Variants in METTL24 observed in about 807,000 individuals in gnomAD.
METTL24 encodes methyltransferase like 24.
Under a neutral mutation model 32.7 loss-of-function variants are expected in METTL24, and 29 were observed. That is an observed-to-expected ratio of 0.89 (90% CI 0.66 to 1.21). The LOEUF (loss-of-function observed/expected upper bound fraction) is 1.21, where lower values mean the gene tolerates loss of function less well. Among genes scored for constraint, METTL24 ranks in the 50% most tolerant of loss-of-function variants. The pLI, the probability that METTL24 is intolerant of heterozygous loss-of-function variation, is 0.00. For synonymous variants in METTL24, 163 were observed against 179.5 expected, an observed-to-expected ratio of 0.91 and a Z score of 0.73; for missense variants, 439 against 468.1, an observed-to-expected ratio of 0.94 and a Z score of 0.57.
intron 3 of METTL24, among the ~76,000 whole-genome samples, chr6:110,303,106 C>T (rs184681659): frequency 6.6e-6 from 1 of 152,098 alleles, no homozygotes. Context: ...AGGGACCCTG[C>T]CATGAGGGAT....
chr6:110,250,326 A>ACCTGATCT (rs1244609187), intron 4 of METTL24, among the ~76,000 whole-genome samples: 1 of 151,662 alleles, frequency 6.6e-6, no homozygotes, highest in Non-Finnish European at 1.5e-5. Context: ...CTCCTGCATC[A>ACCTGATCT]CCTGATCTCT....
At chr6:110,306,306 A>AAAAT (rs368568300) in intron 3 of METTL24, among the ~76,000 whole-genome samples, 91 of 151,864 alleles carry the variant, frequency 6.0e-4, no homozygotes, top group Non-Finnish European at 1.1e-3. Context: ...AAAGTATAAT[A>AAAAT]AAATAAATAA....
intron 4 of METTL24, among the ~76,000 whole-genome samples, chr6:110,255,431 G>A (rs1462245565): frequency 2.0e-5 from 3 of 152,204 alleles, no homozygotes; most frequent in South Asian, 4.2e-4. Flanking sequence ...AGATGTCAGA[G>A]GTCAGCAGGG....
chr6:110,316,995 T>G (rs1281408759), intron 2 of METTL24, among the ~76,000 whole-genome samples: 1 of 152,202 alleles, frequency 6.6e-6, no homozygotes, highest in Non-Finnish European at 1.5e-5. Context: ...AAGAGCATAT[T>G]ACGTGGAGCC....
intron 1 of METTL24, among the ~76,000 whole-genome samples, chr6:110,344,290 G>A (rs969579213): frequency 2.6e-5 from 4 of 152,022 alleles, no homozygotes; most frequent in Admixed American, 6.6e-5. Context: ...TGCTGCAGAT[G>A]AAAAAAACTC....
intron 4 of METTL24, among the ~76,000 whole-genome samples, chr6:110,283,385 T>C (rs542147482): frequency 5.9e-5 from 9 of 152,188 alleles, no homozygotes; most frequent in Non-Finnish European, 1.5e-5. Context: ...CTAGAAAAAT[T>C]TTTTCCATAA....
intron 4 of METTL24, among the ~76,000 whole-genome samples, chr6:110,290,019 G>C (rs1169333975): frequency 6.6e-6 from 1 of 151,992 alleles, no homozygotes; most frequent in Non-Finnish European, 1.5e-5. Flanking sequence ...TGGCTCAATT[G>C]ATCCTCCTGC....
chr6:110,299,624 T>C (rs922523941), intron 3 of METTL24, among the ~76,000 whole-genome samples: 2 of 152,246 alleles, frequency 1.3e-5, no homozygotes, highest in South Asian at 2.1e-4. Flanking sequence ...GCTGTTTTCT[T>C]AGAAATGTAA....
At chr6:110,335,350 G>A (rs1360308705) in intron 1 of METTL24, among the ~76,000 whole-genome samples, 1 of 152,116 alleles carries the variant, frequency 6.6e-6, no homozygotes, top group Non-Finnish European at 1.5e-5. Context: ...CGAGAGTACA[G>A]GTGACAAACT....
rs536854001 is a variant in METTL24 at position 110,257,432 on chromosome 6, C to A, written c.787-11172G>T. Among the ~76,000 whole-genome samples, 41 of 152,178 alleles carry A rather than the reference C, an allele frequency of 2.7e-4. 1 individual carries two copies. The South Asian group carries it at 7.1e-3, about 26-fold the overall frequency. ...AATTAAATCAAATTAAAATTAATTT[C>A]TCTGCCACATTTCAAGTGCTCAATA... On this transcript the variant is annotated intron_variant, in intron 4 of 4. Transcript: ENST00000338882.
At chr6:110,252,347 C>T (rs1468980453) in intron 4 of METTL24, among the ~76,000 whole-genome samples, 2 of 152,208 alleles carry the variant, frequency 1.3e-5, no homozygotes, top group African/African-American at 4.8e-5. Context: ...TTGCAGATGG[C>T]TGCCTTGTCC....
At chr6:110,295,683 C>T (rs1771399740) in intron 4 of METTL24, among the ~76,000 whole-genome samples, 2 of 152,182 alleles carry the variant, frequency 1.3e-5, no homozygotes, top group South Asian at 4.1e-4. Context: ...GACCAATTGC[C>T]TTTCAGTTTC....
chr6:110,331,463 A>G (rs1301002706), intron 1 of METTL24, among the ~76,000 whole-genome samples: 1 of 152,100 alleles, frequency 6.6e-6, no homozygotes, highest in Non-Finnish European at 1.5e-5. Flanking sequence ...GTTCAAGGCC[A>G]GCCTGGGCAA....
intron 4 of METTL24, among the ~76,000 whole-genome samples, chr6:110,258,867 C>T (rs1778435277): frequency 6.6e-6 from 1 of 151,822 alleles, no homozygotes; most frequent in African/African-American, 2.4e-5. Flanking sequence ...AGCTTTGAGG[C>T]AAGTCTGCAA....
At chr6:110,293,234 C>T (rs1771352398) in intron 4 of METTL24, among the ~76,000 whole-genome samples, 1 of 151,976 alleles carries the variant, frequency 6.6e-6, no homozygotes, top group South Asian at 2.1e-4. Flanking sequence ...ATGTACTATG[C>T]CTTTGAATTC....
At chr6:110,357,796 C>A in intron 1 of METTL24, 159 bp downstream of exon 1, 2 of 245,162 alleles carry the variant, frequency 8.2e-6, no homozygotes, top group Non-Finnish European at 1.5e-5. Flanking sequence ...AAAGATGCGA[C>A]CCGTGGAGCC....
chr6:110,325,960 T>C (rs773546310), intron 1 of METTL24, among the ~76,000 whole-genome samples: 1 of 152,146 alleles, frequency 6.6e-6, no homozygotes, highest in Non-Finnish European at 1.5e-5. Context: ...TACTTGACTG[T>C]CTCAAAAAGA....
At chr6:110,357,170 C>T (rs932327241) in intron 1 of METTL24, among the ~76,000 whole-genome samples, 4 of 152,194 alleles carry the variant, frequency 2.6e-5, no homozygotes, top group African/African-American at 9.7e-5. Context: ...TAGTTCTTTT[C>T]ATTTCCATGT....
rs200744556 is a variant in METTL24 at position 110,246,896 on chromosome 6, AT to A, written c.787-637del. 7.6e-3 allele frequency among the ~76,000 whole-genome samples: 1,158 copies of A among 152,264 alleles called. 8 individuals carry two copies. Among genetic ancestry groups the A allele is most frequent in the African/African-American group, 0.027 (1,104 of 41,536 alleles). The stretch of plus-strand genomic sequence containing the variant: ...TATCTGAATATTGGACTATAAAAAA[AT>A]AATATTATTATTCTATGATTTCTTT... On this transcript the variant is annotated intron_variant, in intron 4 of 4. Transcript: ENST00000338882.
Sources: gnomAD v4.1 joint callset for allele counts (sites outside exome capture counted in the v4.1 genomes callset) on GRCh38, gnomAD v4.1.1 for gene constraint, MANE v1.5 for transcripts, NCBI Gene and HGNC (gene_info 2026-07-23, HGNC 2026-07-21) for gene names.